The following ZNF680 variants were observed in gnomAD, a reference collection of about 807,000 sequenced individuals.
The protein encoded by ZNF680 is hypothetical protein FLJ90430.
A neutral mutation model predicts 12.1 loss-of-function variants in ZNF680; 6 were observed. The observed-to-expected ratio is 0.49, with a 90% confidence interval of 0.27 to 0.98. The LOEUF (loss-of-function observed/expected upper bound fraction) is 0.98. Ranked by LOEUF, ZNF680 falls within the 50% of genes least tolerant of loss-of-function variation. The probability of loss-of-function intolerance (pLI) is 0.12; values close to 1 mark genes in which losing one functional copy is unlikely to be tolerated. For synonymous variants in ZNF680, 170 were observed against 199.3 expected (o/e 0.85, Z 1.24); for missense variants, 561 against 616.3 (o/e 0.91, Z 0.95).
chr7:64,501,863 A>G, the ZNF680 span: 1 of 522,594 alleles, frequency 1.9e-6, no homozygotes, highest in Non-Finnish European at 3.6e-6. Context: ...TCCCATGTTA[A>G]TTCATATTGC....
intron 3 of ZNF680, among the ~76,000 whole-genome samples, chr7:64,530,375 G>A (rs1324388314): frequency 6.6e-6 from 1 of 152,164 alleles, no homozygotes; most frequent in Non-Finnish European, 1.5e-5. Flanking sequence ...AAAAGATACA[G>A]AATGGATAAG....
intron 3 of ZNF680, among the ~76,000 whole-genome samples, chr7:64,541,526 A>G (rs1046635581): frequency 6.6e-6 from 1 of 152,220 alleles, no homozygotes; most frequent in Non-Finnish European, 1.5e-5. Context: ...TTATGAAGCC[A>G]AAACCCATCT....
chr7:64,546,533 G>A (rs1786796153), intron 1 of ZNF680, among the ~76,000 whole-genome samples: 1 of 152,182 alleles, frequency 6.6e-6, no homozygotes, highest in Non-Finnish European at 1.5e-5. Flanking sequence ...CCCGAGCTCA[G>A]GAATTCGAGA....
chr7:64,505,155 T>C, the ZNF680 span, among the ~76,000 whole-genome samples: 1 of 152,374 alleles, frequency 6.6e-6, no homozygotes, highest in South Asian at 2.1e-4. Flanking sequence ...TCCGTGTTAG[T>C]AATCAGGCCA....
At chr7:64,516,393 G>C (rs957401320), downstream of ZNF680, among the ~76,000 whole-genome samples, 1 of 152,164 alleles carries the variant, frequency 6.6e-6, no homozygotes, top group East Asian at 1.9e-4. Context: ...TAGGACCTGG[G>C]AGACAGCCCA....
At chr7:64,506,814 C>T in the ZNF680 span, among the ~76,000 whole-genome samples, 3 of 152,114 alleles carry the variant, frequency 2.0e-5, no homozygotes, top group Admixed American at 1.3e-4. Flanking sequence ...CTATTGTGAG[C>T]AAGTCATTTC....
At chr7:64,510,690 C>T in the ZNF680 span, among the ~76,000 whole-genome samples, 1 of 147,964 alleles carries the variant, frequency 6.8e-6, no homozygotes, top group African/African-American at 2.5e-5. Flanking sequence ...GCGGGCGGAT[C>T]ACGAGGTCAG....
At chr7:64,531,278 ACT>A (rs1370804195) in intron 3 of ZNF680, among the ~76,000 whole-genome samples, 10 of 151,930 alleles carry the variant, frequency 6.6e-5, no homozygotes, top group Non-Finnish European at 4.4e-5. Flanking sequence ...TATATCAAAC[ACT>A]CTCTCAGACT....
rs2116347868 is a variant in ZNF680, at chr7:64,520,221, C to T, written c.*940G>A. Reference sequence around the variant, plus strand: ...AAAAGAATCTCTCCTATATCTGACACAGCAACAATTTATCACATGCTTTCA... The same window carrying T: ...AAAAGAATCTCTCCTATATCTGACATAGCAACAATTTATCACATGCTTTCA... On this transcript the variant is annotated 3_prime_UTR_variant, in exon 4 of 4. Coordinates refer to ENST00000309683, the MANE Select transcript of ZNF680 (RefSeq NM_178558.5). 1 of 151,792 alleles carries T rather than the reference C, an allele frequency of 6.6e-6. No homozygotes were observed. The highest frequency in any genetic ancestry group is 2.1e-4 in the South Asian group (1 of 4,822). The allele number at this position is 151,792 out of a possible 1,614,324, so 9.4% of individuals were successfully genotyped here. A position where few individuals can be genotyped will look rare whatever the true frequency, so the allele number is the denominator to read the frequency against.
At chr7:64,506,000 AT>A in the ZNF680 span, among the ~76,000 whole-genome samples, 1 of 152,046 alleles carries the variant, frequency 6.6e-6, no homozygotes, top group Non-Finnish European at 1.5e-5. Flanking sequence ...AATCAGGATA[AT>A]CTCCCTTTTG....
In ZNF680 at chr7:64,520,229, A is replaced by G. The variant is rs1791456753; in HGVS notation, c.*932T>C. 1 of 151,786 alleles carries G rather than the reference A, an allele frequency of 6.6e-6. No individual in the cohort carries two copies. Among genetic ancestry groups the G allele is most frequent in the Admixed American group, 6.6e-5 (1 of 15,242 alleles). 9.4% of individuals were successfully genotyped at this position (151,786 alleles called of 1,614,324 possible). The stretch of plus-strand genomic sequence containing the variant: ...CTCTCCTATATCTGACACAGCAACA[A>G]TTTATCACATGCTTTCACATGTGAA... On this transcript the variant is annotated 3_prime_UTR_variant, in exon 4 of 4. Transcript: ENST00000309683.
intron 1 of ZNF680, among the ~76,000 whole-genome samples, chr7:64,544,822 C>T (rs1786696968): frequency 6.6e-6 from 1 of 152,112 alleles, no homozygotes; most frequent in Non-Finnish European, 1.5e-5. Context: ...TTAATGTGTA[C>T]AATAAACTGA....
intron 3 of ZNF680, among the ~76,000 whole-genome samples, chr7:64,528,638 T>G (rs1785692569): frequency 6.6e-6 from 1 of 152,060 alleles, no homozygotes; most frequent in Non-Finnish European, 1.5e-5. Context: ...CCTGGGAACT[T>G]CACCCCCATC....
At chr7:64,528,159 C>A (rs941121803) in intron 3 of ZNF680, among the ~76,000 whole-genome samples, 3 of 152,126 alleles carry the variant, frequency 2.0e-5, no homozygotes, top group Non-Finnish European at 4.4e-5. Flanking sequence ...TAGGAGCTCA[C>A]TGGGTCCCCA....
the ZNF680 span, among the ~76,000 whole-genome samples, chr7:64,507,873 ACACACATTTT>A: frequency 9.0e-6 from 1 of 110,704 alleles, no homozygotes; most frequent in Non-Finnish European, 1.8e-5. Flanking sequence ...ACACACACAC[ACACACATTTT>A]TTTATTTCGA....
chr7:64,548,661 C>G (rs1314545798), intron 1 of ZNF680, among the ~76,000 whole-genome samples: 1 of 152,120 alleles, frequency 6.6e-6, no homozygotes, highest in Non-Finnish European at 1.5e-5. Context: ...TTGTCTTACA[C>G]TGAGACAGAA....
chr7:64,550,446 T>G (rs969980681), intron 1 of ZNF680, among the ~76,000 whole-genome samples: 3 of 152,190 alleles, frequency 2.0e-5, no homozygotes, highest in Non-Finnish European at 4.4e-5. Context: ...TCCCAAAATC[T>G]CAAGATCCCG....
intron 1 of ZNF680, among the ~76,000 whole-genome samples, chr7:64,550,251 T>G (rs1787004091): frequency 6.6e-6 from 1 of 152,194 alleles, no homozygotes; most frequent in African/African-American, 2.4e-5. Context: ...AGGGTGTGGG[T>G]TATAGTGTCC....
intron 3 of ZNF680, among the ~76,000 whole-genome samples, chr7:64,533,970 G>A (rs1017481903): frequency 6.6e-6 from 1 of 152,078 alleles, no homozygotes; most frequent in African/African-American, 2.4e-5. Flanking sequence ...ACATGTAGGA[G>A]AATAAAACTG....
Sources: allele counts gnomAD v4.1 joint callset (sites outside exome capture counted in the v4.1 genomes callset), GRCh38; gene constraint gnomAD v4.1.1; transcripts MANE v1.5; gene names NCBI Gene and HGNC (gene_info 2026-07-23, HGNC 2026-07-21).